IL19: variants seen among roughly 807,000 people sequenced by gnomAD.
IL19 encodes the protein interleukin-19.
In IL19, 15 loss-of-function variants were observed where a neutral mutation model predicts 19.5. The observed-to-expected ratio is 0.77, with a 90% confidence interval of 0.52 to 1.19. The LOEUF (loss-of-function observed/expected upper bound fraction) is 1.19. IL19 is among the 50% of genes most tolerant of loss of function. IL19 has a pLI of 0.00. For missense variants in IL19, 199 were observed against 213.1 expected (o/e 0.93, Z 0.41); for synonymous variants, 78 against 78.3 (o/e 1.00, Z 0.02).
At chr1:206,837,590 T>C (rs1440425819) in intron 4 of IL19, among the ~76,000 whole-genome samples, 1 of 151,598 alleles carries the variant, frequency 6.6e-6, no homozygotes, top group Non-Finnish European at 1.5e-5. Context: ...GGCTTATGCC[T>C]GTAATTTCAG....
intron 1 of IL19, among the ~76,000 whole-genome samples, chr1:206,780,986 T>C (rs1435204390): frequency 6.6e-6 from 1 of 152,196 alleles, no homozygotes; most frequent in Non-Finnish European, 1.5e-5. Context: ...GTGGCTTAGA[T>C]ATTTTTGTCT....
intron 2 of IL19, among the ~76,000 whole-genome samples, chr1:206,822,435 T>C (rs968798562): frequency 2.6e-5 from 4 of 152,176 alleles, no homozygotes; most frequent in African/African-American, 7.2e-5. Context: ...AAACCTCACT[T>C]CCTTAGAGAG....
At chr1:206,783,011 A>T (rs562517353) in intron 1 of IL19, among the ~76,000 whole-genome samples, 1 of 152,146 alleles carries the variant, frequency 6.6e-6, no homozygotes, top group Admixed American at 6.5e-5. Context: ...AATCAATATC[A>T]TTGGCTTGCC....
At chr1:206,824,235 T>C (rs1222272808) in intron 2 of IL19, among the ~76,000 whole-genome samples, 1 of 152,234 alleles carries the variant, frequency 6.6e-6, no homozygotes, top group Non-Finnish European at 1.5e-5. Flanking sequence ...TAGCTCTAGC[T>C]GGCTGCATGA....
At chr1:206,776,109 C>T (rs778937014) in intron 1 of IL19, among the ~76,000 whole-genome samples, 17 of 152,192 alleles carry the variant, frequency 1.1e-4, no homozygotes, top group Admixed American at 6.5e-4. Flanking sequence ...AAAATATTCT[C>T]TCATTTCTGT....
intron 2 of IL19, among the ~76,000 whole-genome samples, chr1:206,813,911 G>A (rs920308106): frequency 1.3e-5 from 2 of 152,216 alleles, no homozygotes; most frequent in Non-Finnish European, 2.9e-5. Context: ...CCTGGAGGAA[G>A]AAGAAATTCT....
intron 2 of IL19, among the ~76,000 whole-genome samples, chr1:206,826,082 G>T (rs1277968549): frequency 6.6e-6 from 1 of 152,152 alleles, no homozygotes; most frequent in Non-Finnish European, 1.5e-5. Flanking sequence ...TTTCAGAGTG[G>T]CCCAAACAAT....
intron 1 of IL19, among the ~76,000 whole-genome samples, chr1:206,798,120 C>T (rs1675570234): frequency 6.6e-6 from 1 of 152,212 alleles, no homozygotes; most frequent in South Asian, 2.1e-4. Flanking sequence ...TTCCCCAGAC[C>T]TCTTGCTGCC....
chr1:206,814,139 GT>G (rs1676087513), intron 2 of IL19, among the ~76,000 whole-genome samples: 1 of 152,050 alleles, frequency 6.6e-6, no homozygotes, highest in Non-Finnish European at 1.5e-5. Flanking sequence ...TTAAAAAACT[GT>G]TGTGGTTTCC....
At position 206,842,573 on chromosome 1, in the gene IL19, T is replaced by C. The variant is rs1470311516; in HGVS notation, c.485T>C (p.Val162Ala). 1 of 1,577,486 alleles carries C rather than the reference T, an allele frequency of 6.3e-7. No individual in the cohort carries two copies. The highest frequency in any genetic ancestry group is 1.8e-5 in the Admixed American group (1 of 55,122). Residue 162 changes from valine (V) to alanine (A), a missense_variant, in exon 7 of 7, where the codon GTC (valine) becomes GCC (alanine). Val to Ala is a moderately conservative substitution (Grantham distance 64). Coordinates refer to ENST00000659997, the MANE Select transcript of IL19 (RefSeq NM_153758.5). ...AAIKSLGELDVFLAWINKNHE... is the reference protein window; with the variant it reads ...AAIKSLGELDAFLAWINKNHE... ...ATTAAATCCCTGGGAGAGCTCGACG[T>C]CTTTCTAGCCTGGATTAATAAGAAT...
chr1:206,808,097 G>A (rs1418767690), intron 2 of IL19, among the ~76,000 whole-genome samples: 1 of 152,232 alleles, frequency 6.6e-6, no homozygotes, highest in Non-Finnish European at 1.5e-5. Context: ...TTGGGAGGCT[G>A]AGGCAGGCAG....
intron 1 of IL19, among the ~76,000 whole-genome samples, chr1:206,787,921 C>T (rs1675304146): frequency 2.0e-5 from 3 of 152,276 alleles, no homozygotes; most frequent in African/African-American, 7.2e-5. Flanking sequence ...TGTGGTGCAG[C>T]CCCATCAGGT....
intron 2 of IL19, among the ~76,000 whole-genome samples, chr1:206,825,957 C>A (rs1676425684): frequency 6.6e-6 from 1 of 152,208 alleles, no homozygotes; most frequent in African/African-American, 2.4e-5. Context: ...GCTTGACCTT[C>A]AAACTGAGAG....
chr1:206,815,353 G>A (rs1216486876), intron 2 of IL19, among the ~76,000 whole-genome samples: 2 of 152,170 alleles, frequency 1.3e-5, no homozygotes, highest in Non-Finnish European at 2.9e-5. Context: ...GTCTCAGTGG[G>A]AAGAATGTCA....
At chr1:206,818,887 A>G (rs1209186287) in intron 2 of IL19, among the ~76,000 whole-genome samples, 1 of 146,260 alleles carries the variant, frequency 6.8e-6, no homozygotes, top group African/African-American at 2.6e-5. Flanking sequence ...ATCTTGGCTC[A>G]CTGCAACCTC....
chr1:206,836,265 G>A (rs1477402162), intron 2 of IL19, among the ~76,000 whole-genome samples: 2 of 152,120 alleles, frequency 1.3e-5, no homozygotes, highest in East Asian at 1.9e-4. Context: ...ATCTGTTGCC[G>A]AATTCCTAGG....
chr1:206,775,168 G>A (rs1674959817), intron 1 of IL19, among the ~76,000 whole-genome samples: 1 of 151,998 alleles, frequency 6.6e-6, no homozygotes. Context: ...AGCGTCCCGA[G>A]TAGCTGGGAC....
At chr1:206,816,556 G>A (rs78175573) in intron 2 of IL19, among the ~76,000 whole-genome samples, 1,690 of 151,958 alleles carry the variant, frequency 0.011, 21 homozygotes, top group East Asian at 0.032. Flanking sequence ...AGTCAACAAA[G>A]GAGATAAAAT....
intron 1 of IL19, among the ~76,000 whole-genome samples, chr1:206,785,938 G>A (rs1675260343): frequency 6.6e-6 from 1 of 151,990 alleles, no homozygotes; most frequent in Admixed American, 6.6e-5. Flanking sequence ...CTGCACCGAA[G>A]TGTATAAACA....
Sources: allele counts gnomAD v4.1 joint callset (sites outside exome capture counted in the v4.1 genomes callset), GRCh38; gene constraint gnomAD v4.1.1; transcripts MANE v1.5; gene names NCBI Gene and HGNC (gene_info 2026-07-23, HGNC 2026-07-21).